Variants in PLD5 observed in about 807,000 individuals in gnomAD.
PLD5 encodes phospholipase D family member 5.
In PLD5, 36 loss-of-function variants were observed where a neutral mutation model predicts 61.1. That is an observed-to-expected ratio of 0.59 (90% CI 0.45 to 0.78). The LOEUF (loss-of-function observed/expected upper bound fraction) is 0.78, where lower values mean the gene tolerates loss of function less well. Among genes scored for constraint, PLD5 ranks in the 30% least tolerant of loss-of-function variants. PLD5 has a pLI of 0.00. For missense variants in PLD5, 515 were observed against 644.4 expected, an observed-to-expected ratio of 0.80 and a Z score of 2.17; for synonymous variants, 243 against 242.8, an observed-to-expected ratio of 1.00 and a Z score of -0.01.
At chr1:242,331,051 G>T (rs1030948199) in intron 2 of PLD5, among the ~76,000 whole-genome samples, 1 of 152,098 alleles carries the variant, frequency 6.6e-6, no homozygotes. Flanking sequence ...CTCACTCGGT[G>T]TGGGGTACTA....
intron 5 of PLD5, among the ~76,000 whole-genome samples, chr1:242,196,027 A>C (rs1668619719): frequency 6.6e-6 from 1 of 152,162 alleles, no homozygotes; most frequent in South Asian, 2.1e-4. Flanking sequence ...GCAGGCTTTG[A>C]GGTGGAGAAT....
intron 4 of PLD5, among the ~76,000 whole-genome samples, chr1:242,262,657 G>A (rs936914524): frequency 6.6e-6 from 1 of 152,092 alleles, no homozygotes; most frequent in African/African-American, 2.4e-5. Flanking sequence ...GAAAGACGGG[G>A]GGATAGAGTC....
At chr1:242,436,805 G>A (rs748421641) in intron 1 of PLD5, among the ~76,000 whole-genome samples, 24 of 152,148 alleles carry the variant, frequency 1.6e-4, no homozygotes, top group Non-Finnish European at 2.9e-5. Flanking sequence ...AGACCATCAA[G>A]AGGTTGCACC....
intron 4 of PLD5, among the ~76,000 whole-genome samples, chr1:242,230,462 C>A (rs1227088468): frequency 2.0e-5 from 3 of 152,110 alleles, no homozygotes; most frequent in Admixed American, 6.5e-5. Flanking sequence ...CCATCAATCT[C>A]TTCTTCTGAA....
At chr1:242,238,986 C>A (rs1488806590) in intron 4 of PLD5, among the ~76,000 whole-genome samples, 1 of 152,042 alleles carries the variant, frequency 6.6e-6, no homozygotes, top group Non-Finnish European at 1.5e-5. Flanking sequence ...CTGCCTCAGG[C>A]CAGAGATCTG....
At chr1:242,310,952 CT>C (rs1676662810) in intron 2 of PLD5, among the ~76,000 whole-genome samples, 1 of 152,108 alleles carries the variant, frequency 6.6e-6, no homozygotes, top group South Asian at 2.1e-4. Context: ...TTATGTGAAA[CT>C]CATAGGGCCA....
Position 242,091,737 on chromosome 1 carries a change from G to C in PLD5, c.1355-1627C>G, listed in dbSNP as rs550802358. On this transcript the variant is annotated intron_variant, in intron 9 of 9. Transcript: ENST00000536534. ...TTACATAGATAAGACTCCTATATAA[G>C]AAAAACACACCACATCCCTCCACTT... 2.6e-5 allele frequency among the ~76,000 whole-genome samples: 4 copies of C among 151,846 alleles called. No individual in the cohort carries two copies. The East Asian group carries it at 7.8e-4, about 29-fold the overall frequency.
At chr1:242,229,066 G>A (rs1335243151) in intron 4 of PLD5, among the ~76,000 whole-genome samples, 1 of 152,110 alleles carries the variant, frequency 6.6e-6, no homozygotes, top group African/African-American at 2.4e-5. Flanking sequence ...GTTTAGTTGT[G>A]GCCTAAAAAC....
At chr1:242,525,522 T>G (rs1669424990), upstream of PLD5, among the ~76,000 whole-genome samples, 1 of 152,262 alleles carries the variant, frequency 6.6e-6, no homozygotes, top group Admixed American at 6.5e-5. Flanking sequence ...TTGTTCGCGA[T>G]TAAATCTTCA....
At chr1:242,381,862 G>T (rs959240828) in intron 1 of PLD5, among the ~76,000 whole-genome samples, 3 of 152,154 alleles carry the variant, frequency 2.0e-5, no homozygotes, top group African/African-American at 7.2e-5. Context: ...CAGATCTATT[G>T]CTCTGGCTGT....
intron 5 of PLD5, among the ~76,000 whole-genome samples, chr1:242,175,888 G>A (rs1265497451): frequency 6.6e-6 from 1 of 152,106 alleles, no homozygotes; most frequent in Non-Finnish European, 1.5e-5. Context: ...GGGGTGTAAA[G>A]GACCTCTTCA....
chr1:242,173,389 C>T (rs1018069468), intron 5 of PLD5, among the ~76,000 whole-genome samples: 46 of 152,046 alleles, frequency 3.0e-4, no homozygotes, highest in Admixed American at 6.6e-4. Flanking sequence ...CACTGTTCAA[C>T]GAAATAAAAG....
chr1:242,250,046 C>T (rs1035728501), intron 4 of PLD5, among the ~76,000 whole-genome samples: 9 of 152,130 alleles, frequency 5.9e-5, no homozygotes, highest in African/African-American at 2.2e-4. Context: ...AAAGTTATTC[C>T]TTCACCACCT....
chr1:242,124,795 G>A, intron 5 of PLD5, 130 bp from the exon 6 acceptor site: 1 of 734,128 alleles, frequency 1.4e-6, no homozygotes, highest in South Asian at 1.9e-5. Flanking sequence ...AGTAGATATA[G>A]TTACATTATG....
intron 4 of PLD5, among the ~76,000 whole-genome samples, chr1:242,241,466 C>T (rs1671999431): frequency 6.6e-6 from 1 of 152,132 alleles, no homozygotes; most frequent in African/African-American, 2.4e-5. Context: ...TTCCAACTGA[C>T]AATCCTTTTC....
In PLD5 at chr1:242,279,251, C is replaced by T. The variant is rs150973667; in HGVS notation, c.495+9111G>A. 7.6e-4 allele frequency among the ~76,000 whole-genome samples: 115 copies of T among 152,278 alleles called. No homozygotes were observed. In the East Asian group the frequency reaches 0.016, roughly 21 times the overall value. Reference sequence around the variant, plus strand: ...AACTGGGGTAGGGACCAACCTGGCCCGATCTTGGAACCTATGAAAGTTGAA... The same window carrying T: ...AACTGGGGTAGGGACCAACCTGGCCTGATCTTGGAACCTATGAAAGTTGAA... On this transcript the variant is annotated intron_variant, in intron 3 of 9. Transcript: ENST00000536534.
rs190856621 is a variant in PLD5, at chr1:242,198,788, G to A, written c.735+21200C>T. ...TTTCACTCGTTGCCCAGGCTGGAGT[G>A]CAGTGGCGCAGTCTCAGCTCACCGC... On this transcript the variant is annotated intron_variant, in intron 5 of 9. Transcript: ENST00000536534. Among the ~76,000 whole-genome samples the A allele has an allele frequency of 2.6e-5, 4 of 151,840 alleles. No individual in the cohort carries two copies. The East Asian group carries it at 5.8e-4, about 22-fold the overall frequency.
rs34742543 is a variant in PLD5 at position 242,204,082 on chromosome 1, GAA to G, written c.735+15904_735+15905del. ...AAACCCCATCTCTACTAAAAATACA[GAA>G]AAAAAAAAAAAACTTAGGTGTGGTG... is the stretch of plus-strand genomic sequence containing the variant. On this transcript the variant is annotated intron_variant, in intron 5 of 9. Transcript: ENST00000536534. Among the ~76,000 whole-genome samples, 547 of 144,682 alleles carry G rather than the reference GAA, an allele frequency of 3.8e-3. 4 individuals are homozygous for G. The highest frequency in any genetic ancestry group is 7.8e-3 in the South Asian group (35 of 4,488). 94.9% of individuals were successfully genotyped at this position (144,682 alleles called of 152,430 possible). A position where few individuals can be genotyped will look rare whatever the true frequency, so the allele number is the denominator to read the frequency against.
chr1:242,481,468 C>G (rs998719371), intron 1 of PLD5, among the ~76,000 whole-genome samples: 2 of 152,204 alleles, frequency 1.3e-5, no homozygotes, highest in Admixed American at 1.3e-4. Flanking sequence ...ATTGCTAGCA[C>G]AGCAGTCTGA....
Sources: gnomAD v4.1 joint callset for allele counts (sites outside exome capture counted in the v4.1 genomes callset) on GRCh38, gnomAD v4.1.1 for gene constraint, MANE v1.5 for transcripts, NCBI Gene and HGNC (gene_info 2026-07-23, HGNC 2026-07-21) for gene names.